The following MMP17 variants were observed in gnomAD, a reference collection of about 807,000 sequenced individuals.
The protein encoded by MMP17 is matrix metalloproteinase-17.
A neutral mutation model predicts 49.1 loss-of-function variants in MMP17; 54 were observed. The observed-to-expected ratio is 1.10, with a 90% CI of 0.88 to 1.38. The LOEUF is 1.38. MMP17 is among the 40% of genes most tolerant of loss of function. MMP17 has a pLI of 0.00. For missense variants in MMP17, 837 were observed against 853.7 expected, an observed-to-expected ratio of 0.98 and a Z score of 0.24; for synonymous variants, 397 against 383.1, an observed-to-expected ratio of 1.04 and a Z score of -0.42.
At chr12:131,829,713 G>C (rs928139661) in intron 1 of MMP17, among the ~76,000 whole-genome samples, 5 of 152,242 alleles carry the variant, frequency 3.3e-5, no homozygotes, top group Non-Finnish European at 7.3e-5. Context: ...GTCAGCGCAG[G>C]TGTATTTCAG....
chr12:131,840,902 C>A, intron 4 of MMP17, 46 bp downstream of exon 4: 1 of 1,519,766 alleles, frequency 6.6e-7, no homozygotes, highest in Non-Finnish European at 8.8e-7. Context: ...GCCCCAGCGG[C>A]CTGTGAGGCT....
intron 5 of MMP17, among the ~76,000 whole-genome samples, chr12:131,842,126 C>T (rs1045680203): frequency 6.6e-6 from 1 of 152,200 alleles, no homozygotes; most frequent in Non-Finnish European, 1.5e-5. Flanking sequence ...GACTACTGTC[C>T]CCACTTTACA....
chr12:131,835,323 C>G (rs1056737250), intron 1 of MMP17, among the ~76,000 whole-genome samples: 2 of 152,256 alleles, frequency 1.3e-5, no homozygotes, highest in African/African-American at 4.8e-5. Context: ...CGGGCTGGTG[C>G]TGGGGCCCTG....
chr12:131,838,574 A>G, intron 2 of MMP17, 38 bp from the exon 3 acceptor site: 2 of 1,586,000 alleles, frequency 1.3e-6, no homozygotes. Context: ...GTGGGGAGTG[A>G]GCTGGGCTAG....
At chr12:131,850,571 T>C (rs1296202894) in intron 9 of MMP17, among the ~76,000 whole-genome samples, 5 of 152,118 alleles carry the variant, frequency 3.3e-5, no homozygotes, top group East Asian at 3.9e-4. Context: ...TCAATAAATA[T>C]CCAGTAAGGG....
At chr12:131,836,131 C>T (rs1451833911) in intron 1 of MMP17, among the ~76,000 whole-genome samples, 1 of 152,168 alleles carries the variant, frequency 6.6e-6, no homozygotes, top group East Asian at 1.9e-4. Flanking sequence ...TGTACACACT[C>T]TTGGCTTCCC....
rs377703800 is a variant in MMP17, at chr12:131,835,556, C to G, written c.160-2639C>G. Among the ~76,000 whole-genome samples, 38 of 152,328 alleles carry G rather than the reference C, an allele frequency of 2.5e-4. 1 individual carries two copies. The highest frequency in any genetic ancestry group is 9.1e-4 in the African/African-American group (38 of 41,576). On this transcript the variant is annotated intron_variant, in intron 1 of 9. Coordinates refer to ENST00000360564, the MANE Select transcript of MMP17 (RefSeq NM_016155.7). ...TGAACCCCACAGAGTAAATGGGCCA[C>G]TCAGTGCAGCTACCAGCCATGACCT...
intron 6 of MMP17, 29 bp downstream of exon 6, chr12:131,844,110 G>A (rs370274982): frequency 1.8e-5 from 28 of 1,522,956 alleles, no homozygotes; most frequent in African/African-American, 6.9e-5. Flanking sequence ...GTCACCACCC[G>A]CTGGGGTCTG....
chr12:131,843,196 G>A (rs1161491199), intron 5 of MMP17, among the ~76,000 whole-genome samples: 5 of 150,914 alleles, frequency 3.3e-5, no homozygotes, highest in African/African-American at 1.2e-4. Flanking sequence ...TCGATCTTCT[G>A]ACCTCGTGAT....
At position 131,836,915 on chromosome 12, in the gene MMP17, C is replaced by G. The variant is rs563816215; in HGVS notation, c.160-1280C>G. 2.5e-4 allele frequency among the ~76,000 whole-genome samples: 38 copies of G among 152,286 alleles called. No individual in the cohort carries two copies. In the South Asian group the frequency reaches 5.4e-3, roughly 22 times the overall value. ...AGATGGCACCCAGGCCTGCCATCCC[C>G]AGGTCCCCACGATGGCACCCAGGTC... On this transcript the variant is annotated intron_variant, in intron 1 of 9. Transcript: ENST00000360564.
At position 131,838,367 on chromosome 12, in the gene MMP17, G is replaced by A. The variant is rs568620055; in HGVS notation, c.292+40G>A. The A allele has an allele frequency of 2.2e-5, 36 of 1,604,922 alleles. No individual in the cohort carries two copies. The African/African-American group carries it at 2.3e-4, about 10-fold the overall frequency. ...GGGCAGCGGGAGCGCCGTGGCCCCC[G>A]TCAGGTCTGCGCCCGTCGGCCATGC... On this transcript the variant is annotated intron_variant, in intron 2 of 9. Transcript: ENST00000360564.
intron 3 of MMP17, 83 bp from the exon 4 acceptor site, chr12:131,840,490 T>G: frequency 6.9e-7 from 1 of 1,457,392 alleles, no homozygotes; most frequent in Non-Finnish European, 9.2e-7. Context: ...ACCCCCGGGC[T>G]GAGGAGGGGC....
intron 5 of MMP17, 52 bp from the exon 6 acceptor site, chr12:131,843,945 G>A: frequency 3.0e-6 from 4 of 1,339,628 alleles, no homozygotes; most frequent in Non-Finnish European, 4.1e-6. Context: ...TGGGATGTGG[G>A]GGGAGGCGGG....
At chr12:131,832,867 A>G (rs1452574467) in intron 1 of MMP17, among the ~76,000 whole-genome samples, 1 of 152,112 alleles carries the variant, frequency 6.6e-6, no homozygotes, top group Non-Finnish European at 1.5e-5. Flanking sequence ...TCCCTGCCAA[A>G]GGGCCTTTGC....
chr12:131,851,297 G>A lies in MMP17; in HGVS notation c.*23G>A, dbSNP rs750326609. 60 of 1,369,376 alleles carry A rather than the reference G, an allele frequency of 4.4e-5. No homozygotes were observed. Among genetic ancestry groups the A allele is most frequent in the Non-Finnish European group, 3.3e-5 (35 of 1,058,102 alleles). 84.8% of individuals were successfully genotyped at this position (1,369,376 alleles called of 1,614,324 possible). A position where few individuals can be genotyped will look rare whatever the true frequency, so the allele number is the denominator to read the frequency against. On this transcript the variant is annotated 3_prime_UTR_variant, in exon 10 of 10. Coordinates refer to ENST00000360564, the MANE Select transcript of MMP17 (RefSeq NM_016155.7). ...TGACACACAGCGCGAGCCCATGAGA[G>A]GACAGAGGCGGTGGGACAGCCTGGC...
intron 1 of MMP17, among the ~76,000 whole-genome samples, chr12:131,837,662 A>G (rs1376252197): frequency 6.6e-6 from 1 of 152,238 alleles, no homozygotes; most frequent in Non-Finnish European, 1.5e-5. Flanking sequence ...GAGTGGTTGT[A>G]CAGGTCGTGC....
chr12:131,841,480 A>T, intron 4 of MMP17, 144 bp from the exon 5 acceptor site: 1 of 857,162 alleles, frequency 1.2e-6, no homozygotes, highest in Non-Finnish European at 1.9e-6. Context: ...GTTAATTCCC[A>T]GTAACCCTGC....
chr12:131,845,760 G>T (rs938184880), intron 8 of MMP17, among the ~76,000 whole-genome samples: 32 of 152,202 alleles, frequency 2.1e-4, no homozygotes, highest in Admixed American at 1.8e-3. Context: ...GGTCAGAAAT[G>T]AAGGACAATG....
intron 9 of MMP17, 104 bp downstream of exon 9, chr12:131,850,163 C>G: frequency 7.0e-7 from 1 of 1,421,114 alleles, no homozygotes; most frequent in Non-Finnish European, 9.3e-7. Flanking sequence ...GAGGACGGCC[C>G]CGGTCGGTGT....
Sources: gnomAD v4.1 joint callset for allele counts (sites outside exome capture counted in the v4.1 genomes callset) on GRCh38, gnomAD v4.1.1 for gene constraint, MANE v1.5 for transcripts, NCBI Gene and HGNC (gene_info 2026-07-23, HGNC 2026-07-21) for gene names.